Variants in COG3 observed in about 807,000 individuals in gnomAD.
COG3 encodes the protein conserved oligomeric Golgi complex subunit 3.
Under a neutral mutation model 114.1 loss-of-function variants are expected in COG3, and 32 were observed. The observed-to-expected ratio is 0.28, with a 90% CI of 0.21 to 0.38. The LOEUF (loss-of-function observed/expected upper bound fraction) is 0.38, where lower values mean the gene tolerates loss of function less well. Among genes scored for constraint, COG3 ranks in the 10% least tolerant of loss-of-function variants. COG3 has a pLI of 1.00. For missense variants in COG3, 813 were observed against 973.2 expected, an observed-to-expected ratio of 0.84 and a Z score of 2.19; for synonymous variants, 352 against 365.7, an observed-to-expected ratio of 0.96 and a Z score of 0.43.
At chr13:45,526,490 T>C (rs1185942954) in intron 20 of COG3, among the ~76,000 whole-genome samples, 1 of 152,184 alleles carries the variant, frequency 6.6e-6, no homozygotes, top group East Asian at 1.9e-4. Flanking sequence ...GTAGAGAATG[T>C]CAGTTGTCTT....
At chr13:45,513,423 A>ATACATATAATATATACATATAAAT (rs1261382683) in intron 16 of COG3, among the ~76,000 whole-genome samples, 2 of 76,562 alleles carry the variant, frequency 2.6e-5, no homozygotes, top group Non-Finnish European at 4.7e-5. Flanking sequence ...CATATAAATT[A>ATACATATAATATATACATATAAAT]TATATATAAT....
intron 9 of COG3, 120 bp from the exon 10 acceptor site, chr13:45,491,292 G>A: frequency 1.1e-6 from 1 of 934,874 alleles, no homozygotes; most frequent in African/African-American, 1.7e-5. Context: ...GTTAATGTGG[G>A]CAAATGAGAG....
At chr13:45,524,653 T>C (rs974116915) in intron 19 of COG3, among the ~76,000 whole-genome samples, 2 of 152,236 alleles carry the variant, frequency 1.3e-5, no homozygotes, top group African/African-American at 4.8e-5. Context: ...CTGTTTTGTG[T>C]TGACATTTCT....
At chr13:45,534,631 T>G in intron 22 of COG3, 71 bp from the exon 23 acceptor site, 1 of 1,183,806 alleles carries the variant, frequency 8.4e-7, no homozygotes, top group Admixed American at 2.4e-5. Flanking sequence ...GTGGTTCCCC[T>G]CCCTCCTTGA....
chr13:45,493,417 T>C lies in COG3; in HGVS notation c.1258T>C (p.Leu420=), dbSNP rs574877569. The C allele has an allele frequency of 1.5e-4, 239 of 1,613,376 alleles. No individual in the cohort carries two copies. In the South Asian group the frequency reaches 2.5e-3, roughly 17 times the overall value. Residue 420 remains leucine, a synonymous_variant, in exon 12 of 23, where the codon TTA becomes CTA. Transcript: ENST00000349995. ...GCCATTGATCATTCATGTTATTCACTTAGAGACTCTGTCGGAACTTTGTGG... is the reference window on the plus strand; with the variant it reads ...GCCATTGATCATTCATGTTATTCACCTAGAGACTCTGTCGGAACTTTGTGG... The part of the protein sequence containing the change: ...FRPLIIHVIH[L]ETLSELCGIL...
At chr13:45,527,658 A>G (rs972675281) in intron 20 of COG3, among the ~76,000 whole-genome samples, 3 of 152,184 alleles carry the variant, frequency 2.0e-5, no homozygotes, top group Non-Finnish European at 2.9e-5. Context: ...TAGGATGCCC[A>G]TTTGTTAATT....
At chr13:45,472,997 G>C (rs1885618232) in intron 1 of COG3, among the ~76,000 whole-genome samples, 1 of 152,076 alleles carries the variant, frequency 6.6e-6, no homozygotes, top group African/African-American at 2.4e-5. Context: ...AGCCTCCCGA[G>C]TAGCTGGGAC....
intron 13 of COG3, among the ~76,000 whole-genome samples, chr13:45,500,040 ATGTGTGTG>A (rs1273258218): frequency 1.8e-4 from 24 of 136,888 alleles, no homozygotes; most frequent in African/African-American, 6.8e-4. Flanking sequence ...ATATATATGT[ATGTGTGTG>A]TGTGTGTGTG....
chr13:45,480,689 C>T (rs1886197307), intron 4 of COG3, among the ~76,000 whole-genome samples: 1 of 152,194 alleles, frequency 6.6e-6, no homozygotes, highest in Non-Finnish European at 1.5e-5. Context: ...CCTCAGCCTC[C>T]CAAGTAGCTG....
At chr13:45,491,316 C>T (rs1353262415) in intron 9 of COG3, 96 bp from the exon 10 acceptor site, 1 of 1,290,950 alleles carries the variant, frequency 7.7e-7, no homozygotes, top group Non-Finnish European at 1.1e-6. Flanking sequence ...ACCGTTATAG[C>T]TTTAAAAGAG....
intron 14 of COG3, 121 bp downstream of exon 14, chr13:45,503,470 G>C (rs772751207): frequency 3.4e-6 from 2 of 594,598 alleles, no homozygotes; most frequent in African/African-American, 1.9e-5. Flanking sequence ...CACACTTTAT[G>C]GGGGGAGATT....
intron 1 of COG3, among the ~76,000 whole-genome samples, chr13:45,467,479 G>C (rs748721657): frequency 3.9e-5 from 6 of 152,212 alleles, no homozygotes; most frequent in South Asian, 4.1e-4. Context: ...GTAATCCCAG[G>C]TACTTGGGAG....
Position 45,464,969 on chromosome 13 carries a change from G to C in COG3, c.-68G>C, listed in dbSNP as rs961264961. 41 of 1,498,872 alleles carry C rather than the reference G, an allele frequency of 2.7e-5. No homozygotes were observed. The East Asian group carries it at 9.6e-4, about 35-fold the overall frequency. 92.8% of individuals were successfully genotyped at this position (1,498,872 alleles called of 1,614,324 possible). On this transcript the variant is annotated 5_prime_UTR_variant, in exon 1 of 23. Transcript: ENST00000349995. The stretch of plus-strand genomic sequence containing the variant: ...GTTGGAAGCTCCGGTTCTCCCGGAA[G>C]TGGCCCAGGTCTCTCTGTCGGGGTC...
At chr13:45,498,356 C>CTTTT (rs61289410) in intron 13 of COG3, among the ~76,000 whole-genome samples, 16 of 117,652 alleles carry the variant, frequency 1.4e-4, no homozygotes, top group Admixed American at 1.9e-4. Context: ...CTTCAGATGT[C>CTTTT]TTTTTTTTTT....
Position 45,534,742 on chromosome 13 carries a change from C to G in COG3, c.*11C>G. On this transcript the variant is annotated 3_prime_UTR_variant, in exon 23 of 23. Transcript: ENST00000349995. ...TTGGTTTCTAAATAAGCAGGCCAGCCGGGCTGTGCACCTAAATGTCTGTCT... is the reference window on the plus strand; with the variant it reads ...TTGGTTTCTAAATAAGCAGGCCAGCGGGGCTGTGCACCTAAATGTCTGTCT... The G allele has an allele frequency of 6.4e-7, 1 of 1,556,540 alleles. No individual in the cohort carries two copies. The highest frequency in any genetic ancestry group is 8.7e-7 in the Non-Finnish European group (1 of 1,150,008).
At chr13:45,475,409 G>C (rs1015954669) in intron 1 of COG3, among the ~76,000 whole-genome samples, 11 of 151,418 alleles carry the variant, frequency 7.3e-5, no homozygotes, top group African/African-American at 2.4e-4. Context: ...TCACTATGTT[G>C]CCCAGGCTGG....
At chr13:45,516,324 C>G (rs1409245604) in intron 17 of COG3, 61 bp downstream of exon 17, 2 of 1,365,080 alleles carry the variant, frequency 1.5e-6, no homozygotes, top group Non-Finnish European at 1.9e-6. Context: ...TGTGTCAGCA[C>G]AGGTTTTAGG....
At chr13:45,468,891 G>T (rs754311046) in intron 1 of COG3, among the ~76,000 whole-genome samples, 1 of 152,206 alleles carries the variant, frequency 6.6e-6, no homozygotes, top group Non-Finnish European at 1.5e-5. Flanking sequence ...GTCAGAACAG[G>T]AAAGTGTGTG....
chr13:45,484,061 A>G (rs1210066514), intron 7 of COG3, among the ~76,000 whole-genome samples: 5 of 152,336 alleles, frequency 3.3e-5, no homozygotes, highest in African/African-American at 7.2e-5. Context: ...ATGGTCATTG[A>G]AAATATTCCT....
Sources: gnomAD v4.1 joint callset for allele counts (sites outside exome capture counted in the v4.1 genomes callset) on GRCh38, gnomAD v4.1.1 for gene constraint, MANE v1.5 for transcripts, NCBI Gene and HGNC (gene_info 2026-07-23, HGNC 2026-07-21) for gene names.